Variants in MTA1 observed in about 807,000 individuals in gnomAD.
The protein encoded by MTA1 is metastasis-associated protein MTA1.
Under a neutral mutation model 97.0 loss-of-function variants are expected in MTA1, and 15 were observed. The observed-to-expected ratio is 0.15, with a 90% CI of 0.10 to 0.24. MTA1 has a LOEUF of 0.24. Ranked by LOEUF, MTA1 falls within the 10% of genes least tolerant of loss-of-function variation. MTA1 has a pLI of 1.00. For missense variants in MTA1, 709 were observed against 1,015.1 expected (o/e 0.70, Z 4.10); for synonymous variants, 435 against 417.5 (o/e 1.04, Z -0.51).
At position 105,423,000 on chromosome 14, in the gene MTA1, G is replaced by C. The variant is rs937218809; in HGVS notation, c.28+2937G>C. Among the ~76,000 whole-genome samples the C allele has an allele frequency of 1.3e-5, 2 of 152,174 alleles. No homozygotes were observed. Among genetic ancestry groups the C allele is most frequent in the Non-Finnish European group, 2.9e-5 (2 of 68,034 alleles). ...CCTGCTGTGGGATGAGAGGGCCCCA[G>C]GGCAACGGCGGGATGTTTCTTCTCT... On this transcript the variant is annotated intron_variant, in intron 1 of 20. Coordinates refer to ENST00000331320, the MANE Select transcript of MTA1 (RefSeq NM_004689.4). This position sits in a 1 kb window ranked among gnomAD's most constrained non-coding sequence, Gnocchi z 4.3.
In MTA1 at chr14:105,460,496, G is replaced by C. The variant is rs1284324163; in HGVS notation, c.753+39G>C. ...GGGCGGGACAGGTGAGACCTGGGGT[G>C]GCCCATGGCCCAGAGTGGCTGCGCC... On this transcript the variant is annotated intron_variant, in intron 9 of 20. Transcript: ENST00000331320. The C allele has an allele frequency of 2.6e-6, 4 of 1,548,026 alleles. No homozygotes were observed. The African/African-American group carries it at 5.5e-5, about 21-fold the overall frequency.
rs184256748 is a variant in MTA1 at position 105,463,907 on chromosome 14, G to C, written c.1077-125G>C. 18 of 894,508 alleles carry C rather than the reference G, an allele frequency of 2.0e-5. No homozygotes were observed. The highest frequency in any genetic ancestry group is 4.3e-5 in the Admixed American group (2 of 46,746). The allele number at this position is 894,508 out of a possible 1,614,324, so 55.4% of individuals were successfully genotyped here. On this transcript the variant is annotated intron_variant, in intron 12 of 20. Coordinates refer to ENST00000331320, the MANE Select transcript of MTA1 (RefSeq NM_004689.4). The surrounding 1 kb of genome is among the most constrained non-coding windows in gnomAD (Gnocchi z 5.9). Reference sequence around the variant, plus strand: ...AAGGGGAGAAAGGAAGATCCCTGCCGAGGCCGAGGGGTGCGAGGACGTGGT... The same window carrying C: ...AAGGGGAGAAAGGAAGATCCCTGCCCAGGCCGAGGGGTGCGAGGACGTGGT...
chr14:105,419,962 C>G lies in MTA1; in HGVS notation c.-74C>G. 2.3e-5 allele frequency: 16 copies of G among 707,398 alleles called. No homozygotes were observed. Among genetic ancestry groups the G allele is most frequent in the Non-Finnish European group, 2.8e-5 (16 of 576,222 alleles). 43.8% of individuals were successfully genotyped at this position (707,398 alleles called of 1,614,324 possible). A position where few individuals can be genotyped will look rare whatever the true frequency, so the allele number is the denominator to read the frequency against. The stretch of plus-strand genomic sequence containing the variant: ...GCGGCGCCCCCCGCCCCCGCCATCG[C>G]GCCTCCATTTTCCCGGCCGCCCGCG... On this transcript the variant is annotated 5_prime_UTR_variant, in exon 1 of 21. Coordinates refer to ENST00000331320, the MANE Select transcript of MTA1 (RefSeq NM_004689.4).
Position 105,420,768 on chromosome 14 carries a change from G to C in MTA1, c.28+705G>C, listed in dbSNP as rs782801793. Among the ~76,000 whole-genome samples, 1 of 152,182 alleles carries C rather than the reference G, an allele frequency of 6.6e-6. No individual in the cohort carries two copies. The highest frequency in any genetic ancestry group is 1.5e-5 in the Non-Finnish European group (1 of 68,018). ...GTGGGCCCAGCCTCCTGTTGCTCGG[G>C]CCCCCCGGGCCTGCAGCTTTGAGCC... On this transcript the variant is annotated intron_variant, in intron 1 of 20. Transcript: ENST00000331320. This position sits in a 1 kb window ranked among gnomAD's most constrained non-coding sequence, Gnocchi z 5.3.
chr14:105,460,453 C>G lies in MTA1; in HGVS notation c.749C>G (p.Thr250Ser), dbSNP rs1555430748. 6.2e-7 allele frequency: 1 copy of G among 1,609,162 alleles called. No individual in the cohort carries two copies. Among genetic ancestry groups the G allele is most frequent in the African/African-American group, 1.3e-5 (1 of 74,850 alleles). ...MSAAAASRDI[T>S]LFHAMDTLHK... Reference sequence around the variant, plus strand: ...GCCGCAGCTGCCTCCCGAGACATCACCCTGGTAAGTGGGCCCAGGGCGGGA... The same window carrying G: ...GCCGCAGCTGCCTCCCGAGACATCAGCCTGGTAAGTGGGCCCAGGGCGGGA... Residue 250 changes from threonine (T) to serine (S), a missense_variant, in exon 9 of 21, where the codon ACC (threonine) becomes AGC (serine). Thr to Ser is a moderately conservative substitution (Grantham distance 58). Transcript: ENST00000331320.
rs2082825574 is a variant in MTA1 at position 105,449,177 on chromosome 14, TG to T, written c.191-176del. The T allele has an allele frequency of 1.4e-5, 8 of 556,848 alleles. No homozygotes were observed. In the East Asian group the frequency reaches 2.5e-4, roughly 17 times the overall value. The allele number at this position is 556,848 out of a possible 1,614,324, so 34.5% of individuals were successfully genotyped here. A position where few individuals can be genotyped will look rare whatever the true frequency, so the allele number is the denominator to read the frequency against. ...GCACTGGGTGGATGGGCAGCCAGAG[TG>T]GGGGGACGTCGAGGCCCAGATGATC... On this transcript the variant is annotated intron_variant, in intron 3 of 20. Transcript: ENST00000331320.
rs1555432400 is a variant in MTA1 at position 105,465,162 on chromosome 14, G to A, written c.1603G>A (p.Glu535Lys). 6.6e-7 allele frequency: 1 copy of A among 1,522,666 alleles called. No individual in the cohort carries two copies. The allele number at this position is 1,522,666 out of a possible 1,614,324, so 94.3% of individuals were successfully genotyped here. A position where few individuals can be genotyped will look rare whatever the true frequency, so the allele number is the denominator to read the frequency against. Residue 535 changes from glutamate (E) to lysine (K), a missense_variant, in exon 16 of 21, where the codon GAA (glutamate) becomes AAA (lysine). Physicochemically the swap from Glu to Lys is moderately conservative, Grantham distance 56. Coordinates refer to ENST00000331320, the MANE Select transcript of MTA1 (RefSeq NM_004689.4). ...VLKQAVRKPL[E>K]AVLRYLETHP... The stretch of plus-strand genomic sequence containing the variant: ...GAAGCAGGCGGTACGCAAGCCGCTG[G>A]AAGCCGTGCTTCGGTATCTTGGTGA...
intron 18 of MTA1, chr14:105,468,413 T>C: frequency 1.6e-6 from 2 of 1,283,726 alleles, no homozygotes; most frequent in Admixed American, 4.6e-5. Flanking sequence ...GCAGGTGCCC[T>C]GAGGTATGGC....
At chr14:105,441,516 T>C (rs6576095) in intron 2 of MTA1, among the ~76,000 whole-genome samples, 24,339 of 152,220 alleles carry the variant, frequency 0.16, 6,019 homozygotes, top group African/African-American at 0.53. Flanking sequence ...ACTCAGAGGC[T>C]GGACGCAGGG....
chr14:105,431,817 G>A (rs781951398), intron 1 of MTA1, among the ~76,000 whole-genome samples: 3 of 152,058 alleles, frequency 2.0e-5, no homozygotes, highest in Non-Finnish European at 2.9e-5. Flanking sequence ...GTAGAGATGG[G>A]GTTTCACCAT....
intron 18 of MTA1, chr14:105,468,488 C>T (rs1254917592): frequency 1.5e-5 from 12 of 808,282 alleles, no homozygotes; most frequent in Non-Finnish European, 1.8e-5. Flanking sequence ...CCCGGCAGAG[C>T]TAAGCAAACT....
chr14:105,466,590 C>T lies in MTA1; in HGVS notation c.1777+12C>T. On this transcript the variant is annotated intron_variant, in intron 17 of 20. Transcript: ENST00000331320. Reference sequence around the variant, plus strand: ...CAACGGGGTGGACGGTGAGTGGCCCCCCCGCCCGGTGAGTGTGGCCCTCCC... The same window carrying T: ...CAACGGGGTGGACGGTGAGTGGCCCTCCCGCCCGGTGAGTGTGGCCCTCCC... The T allele has an allele frequency of 6.4e-7, 1 of 1,567,424 alleles. No homozygotes were observed. Among genetic ancestry groups the T allele is most frequent in the Non-Finnish European group, 8.6e-7 (1 of 1,156,218 alleles).
At chr14:105,443,626 C>G (rs587637635) in intron 2 of MTA1, among the ~76,000 whole-genome samples, 2 of 152,310 alleles carry the variant, frequency 1.3e-5, no homozygotes, top group South Asian at 4.2e-4. Flanking sequence ...TGCCCCCAAC[C>G]CATTTATAAC....
rs587686065 is a variant in MTA1 at position 105,422,616 on chromosome 14, A to G, written c.28+2553A>G. 1.3e-5 allele frequency among the ~76,000 whole-genome samples: 2 copies of G among 152,336 alleles called. No homozygotes were observed. The highest frequency in any genetic ancestry group is 4.1e-4 in the South Asian group (2 of 4,830). ...CAGATAAACAGAAATTTATTAGTGT[A>G]AGTATGTCCCAAATATGGCATGGGA... On this transcript the variant is annotated intron_variant, in intron 1 of 20. Transcript: ENST00000331320. This position sits in a 1 kb window ranked among gnomAD's most constrained non-coding sequence, Gnocchi z 4.3.
rs781878056 is a variant in MTA1, at chr14:105,454,292, A to G, written c.532A>G (p.Thr178Ala). 1 of 1,613,216 alleles carries G rather than the reference A, an allele frequency of 6.2e-7. No individual in the cohort carries two copies. The highest frequency in any genetic ancestry group is 1.1e-5 in the South Asian group (1 of 91,056). The change falls in exon 7 of 21, where the codon ACC (threonine) becomes GCC (alanine). Residue 178 changes from threonine to alanine, a missense_variant. This residue lies in a region of MTA1 where 321 missense variants were observed against 593.5 expected (regional missense o/e 0.54). Coordinates refer to ENST00000331320, the MANE Select transcript of MTA1 (RefSeq NM_004689.4). ...AGGAAACCGGTACCAGGCAGACATC[A>G]CCGACTTGTTAAAAGAAGGTAGGGT... Reference protein sequence around the residue: ...RVGNRYQADITDLLKEGEEDG... With the variant: ...RVGNRYQADIADLLKEGEEDG...
Position 105,469,424 on chromosome 14 carries a change from G to A in MTA1, c.1814-43G>A, listed in dbSNP as rs1415120505. On this transcript the variant is annotated intron_variant, in intron 18 of 20. Transcript: ENST00000331320. ...GTGGTGGGCGGTGGGAGTGCAGGAC[G>A]CGCTCTCTCGGGGCCTCATTTCTCT... 2.5e-6 allele frequency: 4 copies of A among 1,608,896 alleles called. No individual in the cohort carries two copies. The African/African-American group carries it at 4.0e-5, about 16-fold the overall frequency.
chr14:105,469,133 C>A (rs782804138), intron 18 of MTA1: 10 of 547,980 alleles, frequency 1.8e-5, no homozygotes, highest in South Asian at 1.4e-4. Context: ...GACAGCCTTG[C>A]GAGGCTTTGC....
At chr14:105,438,589 C>A in intron 1 of MTA1, 83 bp from the exon 2 acceptor site, 1 of 1,240,668 alleles carries the variant, frequency 8.1e-7, no homozygotes, top group Non-Finnish European at 1.2e-6. Flanking sequence ...CCCGCCTGAG[C>A]CCCGAGTCCC....
chr14:105,461,491 G>C (rs938951374), intron 10 of MTA1, among the ~76,000 whole-genome samples: 1 of 152,156 alleles, frequency 6.6e-6, no homozygotes, highest in Non-Finnish European at 1.5e-5. Context: ...AAATTAATCT[G>C]TTAGAAGAGC....
Sources: gnomAD v4.1 joint callset for allele counts (sites outside exome capture counted in the v4.1 genomes callset) on GRCh38, gnomAD v4.1.1 for gene constraint, gnomAD v4.1.1 regional missense constraint, Gnocchi (gnomAD v3.1) non-coding constraint, MANE v1.5 for transcripts, NCBI Gene and HGNC (gene_info 2026-07-23, HGNC 2026-07-21) for gene names.